CDH26: variants seen among roughly 807,000 people sequenced by gnomAD.
The protein encoded by CDH26 is cadherin 26.
Under a neutral mutation model 90.3 loss-of-function variants are expected in CDH26, and 83 were observed. The observed-to-expected ratio is 0.92, with a 90% CI of 0.77 to 1.10. The LOEUF (loss-of-function observed/expected upper bound fraction) is 1.10. CDH26 is among the 50% of genes least tolerant of loss of function. The probability of loss-of-function intolerance (pLI) is 0.00; values close to 1 mark genes in which losing one functional copy is unlikely to be tolerated. For missense variants in CDH26, 1,013 were observed against 1,037.6 expected (o/e 0.98, Z 0.33); for synonymous variants, 397 against 396.3 (o/e 1.00, Z -0.02).
In CDH26 at chr20:59,992,160, A is replaced by G. The variant is rs117384338; in HGVS notation, c.1284-218A>G. Among the ~76,000 whole-genome samples the G allele has an allele frequency of 1.6e-3, 240 of 152,246 alleles. 5 individuals carry two copies. The East Asian group carries it at 0.026, about 17-fold the overall frequency. On this transcript the variant is annotated intron_variant, in intron 9 of 17. Coordinates refer to ENST00000348616, the MANE Select transcript of CDH26 (RefSeq NM_177980.4). The surrounding 1 kb of genome is among the most constrained non-coding windows in gnomAD (Gnocchi z 5.0). The stretch of plus-strand genomic sequence containing the variant: ...ACGCTTGGTCTTCTGGTGAATGTCA[A>G]TTCCACAGACCTAGGAGAGTCTTTA...
rs542310246 is a variant in CDH26, at chr20:59,992,218, G to A, written c.1284-160G>A. Among the ~76,000 whole-genome samples the A allele has an allele frequency of 1.5e-4, 23 of 152,224 alleles. No individual in the cohort carries two copies. Among genetic ancestry groups the A allele is most frequent in the Non-Finnish European group, 3.2e-4 (22 of 68,008 alleles). ...CTCCCTGTGCTTCCATTCCTTTCGT[G>A]AATTAAACACTCTCGTAGTTTAATT... On this transcript the variant is annotated intron_variant, in intron 9 of 17. Transcript: ENST00000348616. The surrounding 1 kb of genome is among the most constrained non-coding windows in gnomAD (Gnocchi z 5.0).
intron 7 of CDH26, among the ~76,000 whole-genome samples, chr20:60,029,592 C>G (rs906447297): frequency 7.2e-5 from 11 of 152,060 alleles, no homozygotes; most frequent in African/African-American, 2.4e-5. Flanking sequence ...AGGTTTTAAG[C>G]CCTGCATGCA....
At chr20:60,002,763 A>T in intron 15 of CDH26, 50 bp from the exon 16 acceptor site, 1 of 1,445,440 alleles carries the variant, frequency 6.9e-7, no homozygotes, top group Non-Finnish European at 9.5e-7. Context: ...ATGTATTTGC[A>T]TCCTTTGGTA....
chr20:59,982,325 A>G (rs2061404723), intron 4 of CDH26, among the ~76,000 whole-genome samples: 1 of 152,126 alleles, frequency 6.6e-6, no homozygotes, highest in Non-Finnish European at 1.5e-5. Context: ...TGGATTTATT[A>G]TGATGTCTTT....
intron 7 of CDH26, among the ~76,000 whole-genome samples, chr20:60,023,410 C>G (rs555427331): frequency 2.0e-5 from 3 of 152,172 alleles, no homozygotes; most frequent in African/African-American, 7.2e-5. Flanking sequence ...TGTGTTCAGG[C>G]GGCAGGGGCT....
intron 7 of CDH26, among the ~76,000 whole-genome samples, chr20:60,019,830 C>T (rs1413475799): frequency 6.6e-6 from 1 of 152,138 alleles, no homozygotes; most frequent in Non-Finnish European, 1.5e-5. Context: ...GTCACCTCTT[C>T]TAATTTTATG....
intron 6 of CDH26, 42 bp downstream of exon 6, chr20:59,984,847 C>T: frequency 6.3e-7 from 1 of 1,583,202 alleles, no homozygotes; most frequent in Non-Finnish European, 8.6e-7. Flanking sequence ...AAATGTGTGG[C>T]CCATCCTTGA....
chr20:60,028,965 G>A (rs1402142185), intron 7 of CDH26, among the ~76,000 whole-genome samples: 2 of 152,140 alleles, frequency 1.3e-5, no homozygotes, highest in Non-Finnish European at 2.9e-5. Flanking sequence ...GTAAAGAGAC[G>A]CGATATAGAC....
intron 1 of CDH26, among the ~76,000 whole-genome samples, chr20:59,968,149 G>A (rs1025208241): frequency 1.3e-5 from 2 of 149,796 alleles, no homozygotes; most frequent in African/African-American, 4.9e-5. Context: ...CCAGGCTGGA[G>A]TGCAGTGGTG....
chr20:59,998,128 G>GAA (rs2061624378), intron 13 of CDH26, among the ~76,000 whole-genome samples: 1 of 152,246 alleles, frequency 6.6e-6, no homozygotes, highest in Admixed American at 6.5e-5. Flanking sequence ...AAACCATCTG[G>GAA]ACAAACAGCA....
Position 59,992,013 on chromosome 20 carries a change from G to A in CDH26, c.1284-365G>A, listed in dbSNP as rs927010479. Reference sequence around the variant, plus strand: ...GTAAAGTCCTAGGTTTCTGTTGCAAGGGCAGGTTGGTTTTTCACACTAAGC... The same window carrying A: ...GTAAAGTCCTAGGTTTCTGTTGCAAAGGCAGGTTGGTTTTTCACACTAAGC... On this transcript the variant is annotated intron_variant, in intron 9 of 17. Transcript: ENST00000348616. This position sits in a 1 kb window ranked among gnomAD's most constrained non-coding sequence, Gnocchi z 5.0. Among the ~76,000 whole-genome samples the A allele has an allele frequency of 5.3e-5, 8 of 152,214 alleles. No individual in the cohort carries two copies. Among genetic ancestry groups the A allele is most frequent in the Non-Finnish European group, 1.2e-4 (8 of 68,028 alleles).
chr20:59,963,519 C>G (rs1172706510), intron 1 of CDH26, among the ~76,000 whole-genome samples: 3 of 152,070 alleles, frequency 2.0e-5, no homozygotes, highest in Admixed American at 2.0e-4. Flanking sequence ...TTAACCAATA[C>G]TTTATACTAT....
chr20:60,008,566 G>A (rs1332967367), intron 17 of CDH26, among the ~76,000 whole-genome samples: 1 of 152,178 alleles, frequency 6.6e-6, no homozygotes, highest in African/African-American at 2.4e-5. Flanking sequence ...CCTGTTTTGT[G>A]AAACCCATTG....
intron 4 of CDH26, among the ~76,000 whole-genome samples, chr20:59,978,374 C>A (rs2061350904): frequency 6.6e-6 from 1 of 151,252 alleles, no homozygotes; most frequent in African/African-American, 2.4e-5. Context: ...ATTATTTATA[C>A]TTACTTTTTT....
At chr20:60,003,241 ATTC>A (rs2146008709) in intron 16 of CDH26, among the ~76,000 whole-genome samples, 1 of 152,266 alleles carries the variant, frequency 6.6e-6, no homozygotes, top group South Asian at 2.1e-4. Flanking sequence ...TTGCACCAGA[ATTC>A]TTCTTTTCAA....
At chr20:60,009,140 G>T (rs1172388016) in intron 17 of CDH26, among the ~76,000 whole-genome samples, 1 of 152,208 alleles carries the variant, frequency 6.6e-6, no homozygotes, top group Non-Finnish European at 1.5e-5. Flanking sequence ...CAATGTGGTA[G>T]ATGAATCCAA....
intron 12 of CDH26, 169 bp downstream of exon 12, chr20:59,996,223 A>T (rs1265008395): frequency 1.0e-6 from 1 of 995,188 alleles, no homozygotes; most frequent in Non-Finnish European, 1.4e-6. Flanking sequence ...AGAGGTTGCC[A>T]TGCTGGCCAG....
At chr20:59,987,728 C>T (rs1362026797) in intron 8 of CDH26, 90 bp downstream of exon 8, 6 of 1,217,082 alleles carry the variant, frequency 4.9e-6, no homozygotes, top group Admixed American at 2.4e-5. Flanking sequence ...AGGGAGCTAA[C>T]GTCCGTGGAT....
chr20:60,024,360 T>G (rs140590655), intron 7 of CDH26, among the ~76,000 whole-genome samples: 7 of 152,292 alleles, frequency 4.6e-5, no homozygotes, highest in African/African-American at 1.4e-4. Context: ...AGAAGGAGAC[T>G]CCACTCTTCC....
Sources: gnomAD v4.1 joint callset for allele counts (sites outside exome capture counted in the v4.1 genomes callset) on GRCh38, gnomAD v4.1.1 for gene constraint, Gnocchi (gnomAD v3.1) non-coding constraint, MANE v1.5 for transcripts, NCBI Gene and HGNC (gene_info 2026-07-23, HGNC 2026-07-21) for gene names.